AFAP1L2: variants seen among roughly 807,000 people sequenced by gnomAD.
AFAP1L2 encodes the protein actin filament-associated protein 1-like 2.
In AFAP1L2, 46 loss-of-function variants were observed where a neutral mutation model predicts 99.3. That is an observed-to-expected ratio of 0.46 (90% confidence interval 0.37 to 0.59). The LOEUF (loss-of-function observed/expected upper bound fraction) is 0.59. Ranked by LOEUF, AFAP1L2 falls within the 20% of genes least tolerant of loss-of-function variation. AFAP1L2 has a pLI of 0.00. For synonymous variants in AFAP1L2, 397 were observed against 419.1 expected, an observed-to-expected ratio of 0.95 and a Z score of 0.64; for missense variants, 959 against 1,034.9, an observed-to-expected ratio of 0.93 and a Z score of 1.01.
In AFAP1L2 at chr10:114,351,367, G is replaced by C. The variant is rs980395069; in HGVS notation, c.17-10636C>G. 3.3e-5 allele frequency among the ~76,000 whole-genome samples: 5 copies of C among 152,154 alleles called. 1 individual carries two copies. Among genetic ancestry groups the C allele is most frequent in the Admixed American group, 3.3e-4 (5 of 15,288 alleles). ...CTTGATATTTGTATCAGAGAAAAAA[G>C]ACATATTAAAGATGGATGGAAGGGG... On this transcript the variant is annotated intron_variant, in intron 1 of 18. Coordinates refer to ENST00000304129, the MANE Select transcript of AFAP1L2 (RefSeq NM_001001936.3).
chr10:114,291,308 T>C, downstream of AFAP1L2: 1 of 1,480,006 alleles, frequency 6.8e-7, no homozygotes, highest in Non-Finnish European at 9.1e-7. Flanking sequence ...GCCTGGGCAC[T>C]GAAATGGTGC....
chr10:114,341,611 C>CAA lies in AFAP1L2; in HGVS notation c.17-882_17-881dup, dbSNP rs5788058. On this transcript the variant is annotated intron_variant, in intron 1 of 18. Transcript: ENST00000304129. ...CTGGTGACAGAGCAAGACTCCATCT[C>CAA]AAAAAAAAAAAAGAAAAGAAAAGAA... 7.6e-3 allele frequency among the ~76,000 whole-genome samples: 1,025 copies of CAA among 135,680 alleles called. 4 individuals are homozygous for CAA. Among genetic ancestry groups the CAA allele is most frequent in the East Asian group, 0.013 (62 of 4,740 alleles). 89.0% of individuals were successfully genotyped at this position (135,680 alleles called of 152,430 possible).
chr10:114,291,115 G>A (rs766353981), downstream of AFAP1L2: 8 of 1,349,252 alleles, frequency 5.9e-6, no homozygotes, highest in Admixed American at 9.9e-5. Context: ...GGCGAGGTGG[G>A]TTGTAGAGTA....
chr10:114,343,186 C>T (rs1347695450), intron 1 of AFAP1L2, among the ~76,000 whole-genome samples: 3 of 152,178 alleles, frequency 2.0e-5, no homozygotes, highest in African/African-American at 7.2e-5. Flanking sequence ...TTACATAATA[C>T]ACTCACAACA....
At chr10:114,299,506 G>A in intron 15 of AFAP1L2, 91 bp from the exon 16 acceptor site, 1 of 1,522,198 alleles carries the variant, frequency 6.6e-7, no homozygotes. Context: ...TAGAACCTGG[G>A]GCTTTGGCAC....
At chr10:114,326,261 G>C (rs573867147) in intron 4 of AFAP1L2, among the ~76,000 whole-genome samples, 1 of 152,114 alleles carries the variant, frequency 6.6e-6, no homozygotes, top group African/African-American at 2.4e-5. Flanking sequence ...CAGGAGTATG[G>C]GGCTTCAGGC....
chr10:114,361,964 T>C (rs947142599), intron 1 of AFAP1L2, among the ~76,000 whole-genome samples: 1 of 152,214 alleles, frequency 6.6e-6, no homozygotes, highest in African/African-American at 2.4e-5. Flanking sequence ...GATATTTTAC[T>C]ATCTTACCAC....
At chr10:114,350,869 T>A (rs1046489588) in intron 1 of AFAP1L2, among the ~76,000 whole-genome samples, 3 of 152,156 alleles carry the variant, frequency 2.0e-5, no homozygotes, top group African/African-American at 4.8e-5. Flanking sequence ...CACTCCAGGT[T>A]CCAGCGGCGA....
At chr10:114,340,503 T>A in intron 2 of AFAP1L2, 100 bp downstream of exon 2, 1 of 1,441,876 alleles carries the variant, frequency 6.9e-7, no homozygotes, top group East Asian at 2.3e-5. Flanking sequence ...GTGTCATTTA[T>A]AGCACCCAGC....
intron 1 of AFAP1L2, among the ~76,000 whole-genome samples, chr10:114,368,163 TG>T (rs2053560031): frequency 6.6e-6 from 1 of 152,104 alleles, no homozygotes; most frequent in African/African-American, 2.4e-5. Context: ...GGCAACAACA[TG>T]GATGGACCTG....
downstream of AFAP1L2, chr10:114,290,128 G>A: frequency 3.5e-6 from 5 of 1,420,956 alleles, no homozygotes; most frequent in Non-Finnish European, 4.7e-6. Context: ...CCGGGGCAAA[G>A]GGAGACATGA....
Position 114,300,406 on chromosome 10 carries a change from A to G in AFAP1L2, c.1788+39T>C, listed in dbSNP as rs79154120. ...CTGACTCAGCTGGCTGAAGGGGCGC[A>G]GGAAGGTGGTCTTGCTGTCCTGCAG... On this transcript the variant is annotated intron_variant, in intron 14 of 18. Coordinates refer to ENST00000304129, the MANE Select transcript of AFAP1L2 (RefSeq NM_001001936.3). 5.6e-3 allele frequency: 9,000 copies of G among 1,605,952 alleles called. 474 individuals carry two copies. The African/African-American group carries it at 0.11, about 19-fold the overall frequency.
At chr10:114,329,635 C>A (rs963350654) in intron 4 of AFAP1L2, among the ~76,000 whole-genome samples, 1 of 152,218 alleles carries the variant, frequency 6.6e-6, no homozygotes, top group Non-Finnish European at 1.5e-5. Context: ...TACCAGAAAA[C>A]CTCTGGTTAA....
chr10:114,294,862 T>G lies in AFAP1L2; in HGVS notation c.*1180A>C. 8 of 982,968 alleles carry G rather than the reference T, an allele frequency of 8.1e-6. No homozygotes were observed. Among genetic ancestry groups the G allele is most frequent in the Non-Finnish European group, 9.7e-6 (8 of 827,508 alleles). The allele number at this position is 982,968 out of a possible 1,614,324, so 60.9% of individuals were successfully genotyped here. On this transcript the variant is annotated 3_prime_UTR_variant, in exon 19 of 19. Transcript: ENST00000304129. ...AACATTTTATTTTAAAAAACCTAAC[T>G]AACTCACCACTTGGTAAAAGGTCAC...
intron 2 of AFAP1L2, among the ~76,000 whole-genome samples, chr10:114,339,398 G>C (rs2048452267): frequency 6.6e-6 from 1 of 152,180 alleles, no homozygotes; most frequent in African/African-American, 2.4e-5. Context: ...AGTGAGCGGA[G>C]ATCGCGCCAC....
intron 16 of AFAP1L2, 106 bp downstream of exon 16, chr10:114,299,154 G>T: frequency 4.3e-6 from 6 of 1,389,924 alleles, no homozygotes; most frequent in Non-Finnish European, 6.0e-6. Flanking sequence ...AAGGGGCCAG[G>T]GCCCACTGAT....
At chr10:114,386,851 C>T (rs1357125187) in intron 1 of AFAP1L2, among the ~76,000 whole-genome samples, 1 of 152,260 alleles carries the variant, frequency 6.6e-6, no homozygotes, top group African/African-American at 2.4e-5. Flanking sequence ...AGAGGGCTTA[C>T]TGGCCTCCAT....
At chr10:114,286,523 G>A in the AFAP1L2 span, 1 of 1,549,658 alleles carries the variant, frequency 6.5e-7, no homozygotes, top group Non-Finnish European at 8.7e-7. Flanking sequence ...TAAGGTCCCA[G>A]TGCCTGACCC....
downstream of AFAP1L2, chr10:114,291,069 T>C: frequency 1.1e-6 from 1 of 922,062 alleles, no homozygotes; most frequent in Non-Finnish European, 1.7e-6. Context: ...TGGAGGATAA[T>C]CACATGGGGT....
Sources: allele counts gnomAD v4.1 joint callset (sites outside exome capture counted in the v4.1 genomes callset), GRCh38; gene constraint gnomAD v4.1.1; transcripts MANE v1.5; gene names NCBI Gene and HGNC (gene_info 2026-07-23, HGNC 2026-07-21).